Variants in SLC25A27 observed in about 807,000 individuals in gnomAD.
SLC25A27 encodes mitochondrial uncoupling protein 4.
Under a neutral mutation model 49.1 loss-of-function variants are expected in SLC25A27, and 35 were observed. That is an observed-to-expected ratio of 0.71 (90% CI 0.54 to 0.95). SLC25A27 has a LOEUF of 0.95. Ranked by LOEUF, SLC25A27 falls within the 40% of genes least tolerant of loss-of-function variation. The pLI is 0.00. For missense variants in SLC25A27, 339 were observed against 397.1 expected, an observed-to-expected ratio of 0.85 and a Z score of 1.24; for synonymous variants, 144 against 136.9, an observed-to-expected ratio of 1.05 and a Z score of -0.36.
At chr6:46,654,521 C>A (rs930492813) in intron 1 of SLC25A27, among the ~76,000 whole-genome samples, 2 of 152,080 alleles carry the variant, frequency 1.3e-5, no homozygotes, top group Non-Finnish European at 2.9e-5. Context: ...GACTCAATGG[C>A]TTTTATACAG....
Position 46,677,513 on chromosome 6 carries a change from T to C in SLC25A27, c.*1059T>C, listed in dbSNP as rs1234467661. ...CCAGCGGCCTGACTCTTACTCAGTT[T>C]AGCAAAAATTCTTGCCTAAAAAGTG... On this transcript the variant is annotated 3_prime_UTR_variant, in exon 9 of 9. Transcript: ENST00000371347. 1 of 152,214 alleles carries C rather than the reference T, an allele frequency of 6.6e-6. No individual in the cohort carries two copies. Among genetic ancestry groups the C allele is most frequent in the Non-Finnish European group, 1.5e-5 (1 of 68,036 alleles). The allele number at this position is 152,214 out of a possible 1,614,324, so 9.4% of individuals were successfully genotyped here.
At chr6:46,659,990 A>G (rs1330178124) in intron 3 of SLC25A27, among the ~76,000 whole-genome samples, 1 of 152,030 alleles carries the variant, frequency 6.6e-6, no homozygotes, top group Non-Finnish European at 1.5e-5. Context: ...CGGTATCCAG[A>G]GTGATTTATT....
At chr6:46,675,571 C>T (rs1477478936) in intron 8 of SLC25A27, among the ~76,000 whole-genome samples, 2 of 152,076 alleles carry the variant, frequency 1.3e-5, no homozygotes, top group African/African-American at 4.8e-5. Context: ...TTTCTAATTG[C>T]TTAAGCTTAT....
At chr6:46,653,394 G>T in intron 1 of SLC25A27, 96 bp downstream of exon 1, 2 of 1,461,180 alleles carry the variant, frequency 1.4e-6, no homozygotes, top group South Asian at 1.4e-5. Flanking sequence ...AGTGCGCATC[G>T]GAGAGGTCGC....
intron 5 of SLC25A27, 40 bp downstream of exon 5, chr6:46,664,926 C>T (rs747382344): frequency 2.0e-6 from 2 of 1,018,832 alleles, no homozygotes; most frequent in Non-Finnish European, 1.5e-6. Context: ...GTCCTAATTG[C>T]CTTAATAGCT....
intron 5 of SLC25A27, among the ~76,000 whole-genome samples, chr6:46,666,335 G>A (rs919919509): frequency 2.0e-5 from 3 of 152,098 alleles, no homozygotes; most frequent in African/African-American, 7.2e-5. Context: ...CAAGGACTGT[G>A]TTTTATTCAT....
At chr6:46,662,045 C>G (rs368917688) in intron 3 of SLC25A27, among the ~76,000 whole-genome samples, 2 of 152,142 alleles carry the variant, frequency 1.3e-5, no homozygotes, top group East Asian at 3.9e-4. Flanking sequence ...GTCTGTTAGG[C>G]TGACTACATC....
chr6:46,658,934 T>C, intron 2 of SLC25A27, 28 bp from the exon 3 acceptor site: 1 of 1,518,654 alleles, frequency 6.6e-7, no homozygotes, highest in Non-Finnish European at 9.1e-7. Flanking sequence ...TAGCCAAAGT[T>C]ACCTTTTTAA....
At chr6:46,670,427 ATAT>A (rs1763488047) in intron 7 of SLC25A27, 200 bp downstream of exon 7, 2 of 506,610 alleles carry the variant, frequency 3.9e-6, no homozygotes, top group Non-Finnish European at 6.9e-6. Flanking sequence ...ATTAACAATC[ATAT>A]TATTTAGACA....
intron 4 of SLC25A27, 33 bp downstream of exon 4, chr6:46,662,531 T>G: frequency 1.2e-6 from 2 of 1,609,394 alleles, no homozygotes; most frequent in Non-Finnish European, 1.7e-6. Context: ...ACCTCTCTTT[T>G]TCCCTTGGCC....
At chr6:46,670,087 A>G in intron 6 of SLC25A27, 48 bp from the exon 7 acceptor site, 4 of 1,234,800 alleles carry the variant, frequency 3.2e-6, no homozygotes, top group Non-Finnish European at 4.6e-6. Flanking sequence ...TTCCTAAGCT[A>G]CAAACTACTA....
rs116441455 is a variant in SLC25A27 at position 46,665,008 on chromosome 6, C to T, written c.619+122C>T. The T allele has an allele frequency of 1.7e-3, 821 of 491,868 alleles. 8 individuals carry two copies. Among genetic ancestry groups the T allele is most frequent in the African/African-American group, 0.014 (733 of 50,646 alleles). 30.5% of individuals were successfully genotyped at this position (491,868 alleles called of 1,614,324 possible). A position where few individuals can be genotyped will look rare whatever the true frequency, so the allele number is the denominator to read the frequency against. On this transcript the variant is annotated intron_variant, in intron 5 of 8. Transcript: ENST00000371347. Reference sequence around the variant, plus strand: ...TATATTGGTGACCATATATTGTTGACTGGCTGTATAGATGTTCTAGGTCAT... The same window carrying T: ...TATATTGGTGACCATATATTGTTGATTGGCTGTATAGATGTTCTAGGTCAT...
chr6:46,671,625 T>TA (rs1024250066), intron 8 of SLC25A27, among the ~76,000 whole-genome samples: 6 of 152,098 alleles, frequency 3.9e-5, no homozygotes, highest in African/African-American at 1.4e-4. Context: ...GTTACTTTGA[T>TA]AGCAGATGTT....
chr6:46,653,120 G>C lies in SLC25A27; in HGVS notation c.-73G>C. On this transcript the variant is annotated 5_prime_UTR_variant, in exon 1 of 9. Coordinates refer to ENST00000371347, the MANE Select transcript of SLC25A27 (RefSeq NM_004277.5). Reference sequence around the variant, plus strand: ...CGGTTGAAAAGGGGCCGCCCTGGCAGGGAAGCGGCCGCCGCGGCGCGGTGC... The same window carrying C: ...CGGTTGAAAAGGGGCCGCCCTGGCACGGAAGCGGCCGCCGCGGCGCGGTGC... The C allele has an allele frequency of 7.0e-7, 1 of 1,434,662 alleles. No individual in the cohort carries two copies. The allele number at this position is 1,434,662 out of a possible 1,614,324, so 88.9% of individuals were successfully genotyped here.
intron 3 of SLC25A27, among the ~76,000 whole-genome samples, chr6:46,661,099 C>G (rs1222176340): frequency 6.6e-6 from 1 of 151,572 alleles, no homozygotes; most frequent in Non-Finnish European, 1.5e-5. Flanking sequence ...GTAACAGAGT[C>G]GATGAATAAA....
At chr6:46,675,467 A>C (rs913995518) in intron 8 of SLC25A27, among the ~76,000 whole-genome samples, 1 of 152,210 alleles carries the variant, frequency 6.6e-6, no homozygotes, top group African/African-American at 2.4e-5. Flanking sequence ...TCCACTATTT[A>C]GTGAATTCTC....
In SLC25A27 at chr6:46,653,301, A is replaced by G. The variant is rs1562031664; in HGVS notation, c.106+3A>G. ...CGCGGCTACCGTGGCCGAGCTAGGT[A>G]CCCGGCTGCCCACGCCTGGGCCTCC... On this transcript the variant is annotated splice_donor_region_variant and intron_variant, in intron 1 of 8. Coordinates refer to ENST00000371347, the MANE Select transcript of SLC25A27 (RefSeq NM_004277.5). The G allele has an allele frequency of 6.2e-7, 1 of 1,610,364 alleles. No homozygotes were observed. The highest frequency in any genetic ancestry group is 8.5e-7 in the Non-Finnish European group (1 of 1,178,738).
chr6:46,655,751 C>A lies in SLC25A27; in HGVS notation c.107-92C>A, dbSNP rs946691519. ...ATATATTCTAAAATTTGAGAACAAC[C>A]AGTCTTGGGAAAATATTACTCCTAT... On this transcript the variant is annotated intron_variant, in intron 1 of 8. Coordinates refer to ENST00000371347, the MANE Select transcript of SLC25A27 (RefSeq NM_004277.5). 1.9e-5 allele frequency: 20 copies of A among 1,054,070 alleles called. No individual in the cohort carries two copies. The African/African-American group carries it at 3.1e-4, about 16-fold the overall frequency. The allele number at this position is 1,054,070 out of a possible 1,614,324, so 65.3% of individuals were successfully genotyped here.
intron 1 of SLC25A27, 87 bp from the exon 2 acceptor site, chr6:46,655,756 T>C (rs905226039): frequency 8.7e-7 from 1 of 1,150,962 alleles, no homozygotes; most frequent in South Asian, 1.4e-5. Context: ...ACAACCAGTC[T>C]TGGGAAAATA....
Sources: gnomAD v4.1 joint callset for allele counts (sites outside exome capture counted in the v4.1 genomes callset) on GRCh38, gnomAD v4.1.1 for gene constraint, MANE v1.5 for transcripts, NCBI Gene and HGNC (gene_info 2026-07-23, HGNC 2026-07-21) for gene names.